Variants in ATAD2B observed in about 807,000 individuals in gnomAD.
The protein encoded by ATAD2B is ATPase family AAA domain containing 2B, also known as ATPase family AAA domain-containing protein 2B.
A neutral mutation model predicts 167.6 loss-of-function variants in ATAD2B; 40 were observed. The ratio of observed to expected loss-of-function variants is 0.24; its 90% CI spans 0.19 to 0.31. The LOEUF (loss-of-function observed/expected upper bound fraction) is 0.31, where lower values mean the gene tolerates loss of function less well. Ranked by LOEUF, ATAD2B falls within the 10% of genes least tolerant of loss-of-function variation. The pLI is 1.00. For missense variants in ATAD2B, 1,242 were observed against 1,757.2 expected (o/e 0.71, Z 5.24); for synonymous variants, 579 against 596.5 (o/e 0.97, Z 0.43).
chr2:23,917,776 T>A (rs1198618411), intron 1 of ATAD2B, among the ~76,000 whole-genome samples: 1 of 151,176 alleles, frequency 6.6e-6, no homozygotes, highest in African/African-American at 2.4e-5. Flanking sequence ...AATAAAAATA[T>A]AGCCAGGCGC....
chr2:23,728,364 A>G, the ATAD2B span, among the ~76,000 whole-genome samples: 4 of 152,218 alleles, frequency 2.6e-5, no homozygotes, highest in African/African-American at 9.6e-5. Flanking sequence ...AACACCAGGT[A>G]GATAAACTAA....
chr2:23,730,826 T>A, the ATAD2B span, among the ~76,000 whole-genome samples: 1 of 150,908 alleles, frequency 6.6e-6, no homozygotes, highest in Non-Finnish European at 1.5e-5. Flanking sequence ...AGTTTAAGAA[T>A]CTAAGCACAA....
At chr2:23,892,619 G>A (rs1432668789) in intron 2 of ATAD2B, among the ~76,000 whole-genome samples, 1 of 151,978 alleles carries the variant, frequency 6.6e-6, no homozygotes, top group African/African-American at 2.4e-5. Flanking sequence ...ACAGGCACGC[G>A]CCGCCTTGCT....
At position 23,875,732 on chromosome 2, in the gene ATAD2B, A is replaced by C. The variant is rs537635375; in HGVS notation, c.977+97T>G. 120 of 813,202 alleles carry C rather than the reference A, an allele frequency of 1.5e-4. No individual in the cohort carries two copies. In the African/African-American group the frequency reaches 1.8e-3, roughly 12 times the overall value. The allele number at this position is 813,202 out of a possible 1,614,324, so 50.4% of individuals were successfully genotyped here. A position where few individuals can be genotyped will look rare whatever the true frequency, so the allele number is the denominator to read the frequency against. On this transcript the variant is annotated intron_variant, in intron 8 of 27. Coordinates refer to ENST00000238789, the MANE Select transcript of ATAD2B (RefSeq NM_017552.4). ...GAATCTGGAAGATAATAGTAGCTAA[A>C]TAGGATGACAACTGTTAGTCACTAA... is the stretch of plus-strand genomic sequence containing the variant.
At chr2:23,737,361 C>A in the ATAD2B span, among the ~76,000 whole-genome samples, 24 of 152,176 alleles carry the variant, frequency 1.6e-4, no homozygotes, top group African/African-American at 5.1e-4. Flanking sequence ...TCCAGAGGAA[C>A]GATCAGGCAG....
At chr2:23,864,752 A>AT (rs1382626276) in intron 11 of ATAD2B, 57 bp downstream of exon 11, 1 of 780,572 alleles carries the variant, frequency 1.3e-6, no homozygotes, top group East Asian at 2.9e-5. Flanking sequence ...ATTTACTCAA[A>AT]TAACATTTGA....
intron 18 of ATAD2B, among the ~76,000 whole-genome samples, chr2:23,807,869 TTA>T (rs1404004015): frequency 7.9e-6 from 1 of 127,110 alleles, no homozygotes; most frequent in African/African-American, 2.8e-5. Context: ...TATATACATT[TTA>T]TATATAAAAA....
At chr2:23,877,523 A>AGGGG (rs1697065452) in intron 7 of ATAD2B, among the ~76,000 whole-genome samples, 1 of 45,236 alleles carries the variant, frequency 2.2e-5, no homozygotes, top group Non-Finnish European at 4.0e-5. Flanking sequence ...AAGGGGAGGG[A>AGGGG]AGGGGAGGGG....
chr2:23,758,769 G>A (rs1276723440), intron 24 of ATAD2B, among the ~76,000 whole-genome samples: 1 of 152,112 alleles, frequency 6.6e-6, no homozygotes, highest in Non-Finnish European at 1.5e-5. Flanking sequence ...AGAATATGTA[G>A]GAAAACTAAG....
At chr2:23,735,290 T>C in the ATAD2B span, among the ~76,000 whole-genome samples, 1 of 151,862 alleles carries the variant, frequency 6.6e-6, no homozygotes, top group African/African-American at 2.4e-5. Flanking sequence ...GTTGGCCCTT[T>C]AAACTCAATA....
In ATAD2B at chr2:23,880,753, A is replaced by T; in HGVS notation, c.787T>A (p.Ser263Thr). Residue 263 changes from serine to threonine, a missense_variant and splice_region_variant, in exon 7 of 28, where the codon TCT becomes ACT. By Grantham distance (58) the Ser-to-Thr change is moderately conservative. Transcript: ENST00000238789. ...TCTATATCTCCATCCTCCTCTTGAGATTCTAGTTTCCCACACACAAAAAGA... is the reference window on the plus strand; with the variant it reads ...TCTATATCTCCATCCTCCTCTTGAGTTTCTAGTTTCCCACACACAAAAAGA... ...EVSTEGEEEE[S>T]QEEDGDIEVE... 2 of 1,564,964 alleles carry T rather than the reference A, an allele frequency of 1.3e-6. No individual in the cohort carries two copies. The highest frequency in any genetic ancestry group is 2.3e-5 in the South Asian group (2 of 88,650).
intron 12 of ATAD2B, among the ~76,000 whole-genome samples, chr2:23,860,896 A>G (rs1424963654): frequency 2.6e-5 from 4 of 152,150 alleles, no homozygotes; most frequent in African/African-American, 7.2e-5. Context: ...ACCTGAACCC[A>G]GGAGGTGGAG....
chr2:23,713,409 T>TC, the ATAD2B span, among the ~76,000 whole-genome samples: 1 of 114,838 alleles, frequency 8.7e-6, no homozygotes, highest in African/African-American at 2.9e-5. Flanking sequence ...GAGGTTTTTT[T>TC]TTTTAAGTAA....
At chr2:23,844,232 G>A (rs1299092383) in intron 13 of ATAD2B, among the ~76,000 whole-genome samples, 1 of 151,922 alleles carries the variant, frequency 6.6e-6, no homozygotes, top group African/African-American at 2.4e-5. Flanking sequence ...GAGCCACTGC[G>A]CCCAGCCGAC....
the ATAD2B span, among the ~76,000 whole-genome samples, chr2:23,727,679 G>A: frequency 6.6e-6 from 1 of 152,174 alleles, no homozygotes; most frequent in Non-Finnish European, 1.5e-5. Context: ...GCTTCAACAG[G>A]TGAATGGATA....
At chr2:23,895,754 A>T (rs1700072916) in intron 2 of ATAD2B, 65 bp downstream of exon 2, 2 of 1,220,056 alleles carry the variant, frequency 1.6e-6, no homozygotes, top group Admixed American at 5.2e-5. Flanking sequence ...AATTAGCATT[A>T]ATATCAGCCC....
At chr2:23,686,323 A>G in the ATAD2B span, among the ~76,000 whole-genome samples, 1 of 151,438 alleles carries the variant, frequency 6.6e-6, no homozygotes, top group Non-Finnish European at 1.5e-5. Flanking sequence ...ATCAGAAAGG[A>G]TGGGGCTGGA....
At chr2:23,681,853 G>A in the ATAD2B span, among the ~76,000 whole-genome samples, 1 of 152,180 alleles carries the variant, frequency 6.6e-6, no homozygotes, top group African/African-American at 2.4e-5. This position sits in a 1 kb window ranked among gnomAD's most constrained non-coding sequence, Gnocchi z 4.2. Context: ...TCTTTCTGGA[G>A]ATACGTGTGA....
chr2:23,890,952 A>G (rs1379623359), intron 2 of ATAD2B, among the ~76,000 whole-genome samples: 2 of 152,174 alleles, frequency 1.3e-5, no homozygotes, highest in African/African-American at 4.8e-5. Context: ...CATCTTTATA[A>G]AAGGGAGACT....
Sources: allele counts gnomAD v4.1 joint callset (sites outside exome capture counted in the v4.1 genomes callset), GRCh38; gene constraint gnomAD v4.1.1; non-coding constraint Gnocchi (gnomAD v3.1); transcripts MANE v1.5; gene names NCBI Gene and HGNC (gene_info 2026-07-23, HGNC 2026-07-21).